Variants in ASCC3 observed in about 807,000 individuals in gnomAD.
The protein encoded by ASCC3 is ASC-1 complex subunit P200.
In ASCC3, 158 loss-of-function variants were observed where a neutral mutation model predicts 256.3. That is an observed-to-expected ratio of 0.62 (90% confidence interval 0.54 to 0.70). ASCC3 has a LOEUF of 0.70. ASCC3 is among the 30% of genes least tolerant of loss of function. The pLI is 0.00. For missense variants in ASCC3, 2,259 were observed against 2,626.0 expected, an observed-to-expected ratio of 0.86 and a Z score of 3.05; for synonymous variants, 948 against 883.4, an observed-to-expected ratio of 1.07 and a Z score of -1.30.
intron 36 of ASCC3, among the ~76,000 whole-genome samples, chr6:100,576,194 A>T (rs1464117850): frequency 1.3e-5 from 2 of 152,046 alleles, no homozygotes; most frequent in African/African-American, 4.8e-5. Context: ...GAAGCTTACT[A>T]ATTCATGGTG....
At chr6:100,712,004 A>T (rs1778874370) in intron 13 of ASCC3, among the ~76,000 whole-genome samples, 1 of 152,230 alleles carries the variant, frequency 6.6e-6, no homozygotes, top group South Asian at 2.1e-4. Context: ...ATCTTTGACT[A>T]AGGAACAAGG....
chr6:100,721,478 C>A (rs1161803346), intron 11 of ASCC3, among the ~76,000 whole-genome samples: 1 of 151,654 alleles, frequency 6.6e-6, no homozygotes, highest in Non-Finnish European at 1.5e-5. Context: ...TCATGTATAA[C>A]ATGTGGGCCA....
chr6:100,863,253 G>T (rs1217352059), intron 3 of ASCC3, among the ~76,000 whole-genome samples: 1 of 152,132 alleles, frequency 6.6e-6, no homozygotes, highest in African/African-American at 2.4e-5. Flanking sequence ...CCTTAGGAAA[G>T]TAACCTGAGT....
chr6:100,769,027 A>C (rs1468727873), intron 8 of ASCC3, among the ~76,000 whole-genome samples: 2 of 152,156 alleles, frequency 1.3e-5, no homozygotes, highest in African/African-American at 4.8e-5. Context: ...AGTATTCTTA[A>C]CTGAAGGGAA....
intron 20 of ASCC3, among the ~76,000 whole-genome samples, chr6:100,648,035 T>C (rs1263039598): frequency 6.6e-6 from 1 of 152,094 alleles, no homozygotes; most frequent in Non-Finnish European, 1.5e-5. Context: ...TTAATTGATA[T>C]TAATATTATG....
At chr6:100,694,801 A>G (rs975857407) in intron 13 of ASCC3, among the ~76,000 whole-genome samples, 8 of 152,314 alleles carry the variant, frequency 5.3e-5, no homozygotes, top group African/African-American at 1.7e-4. Context: ...TAAATAGGGG[A>G]AAGGAAGCTA....
chr6:100,553,871 A>G (rs1192463190), intron 36 of ASCC3, among the ~76,000 whole-genome samples: 2 of 152,252 alleles, frequency 1.3e-5, no homozygotes, highest in East Asian at 3.9e-4. Flanking sequence ...TATTTAGCCT[A>G]CTAAATTTTG....
chr6:100,733,403 G>T (rs967981676), intron 10 of ASCC3, among the ~76,000 whole-genome samples: 10 of 152,040 alleles, frequency 6.6e-5, no homozygotes, highest in African/African-American at 2.2e-4. Context: ...TCCTTTGGGG[G>T]TGAGTGGATT....
At chr6:100,711,176 T>A (rs1778838409) in intron 13 of ASCC3, among the ~76,000 whole-genome samples, 1 of 152,174 alleles carries the variant, frequency 6.6e-6, no homozygotes, top group Non-Finnish European at 1.5e-5. Context: ...TCATTAAGCA[T>A]TAACTATGAC....
At chr6:100,847,958 C>T (rs1271475885) in intron 4 of ASCC3, 190 bp downstream of exon 4, 4 of 525,978 alleles carry the variant, frequency 7.6e-6, no homozygotes, top group Non-Finnish European at 1.3e-5. Context: ...ACTCATTACA[C>T]TTTCAGACCT....
chr6:100,529,722 AAC>A (rs1287039692), intron 37 of ASCC3, among the ~76,000 whole-genome samples: 1 of 152,222 alleles, frequency 6.6e-6, no homozygotes, highest in Middle Eastern at 3.2e-3. Context: ...GGACAAAGGA[AAC>A]ACAGTCAAAT....
chr6:100,763,372 G>A (rs372034625), intron 10 of ASCC3, among the ~76,000 whole-genome samples: 4 of 152,176 alleles, frequency 2.6e-5, no homozygotes, highest in East Asian at 1.9e-4. Flanking sequence ...AATTACTGAC[G>A]AAGGATACAG....
chr6:100,670,840 T>C (rs950317914), intron 14 of ASCC3, among the ~76,000 whole-genome samples: 1 of 152,020 alleles, frequency 6.6e-6, no homozygotes, highest in African/African-American at 2.4e-5. Context: ...CTAATGTATA[T>C]CATTGCAAGA....
chr6:100,579,741 T>C (rs567084924), intron 36 of ASCC3, among the ~76,000 whole-genome samples: 3 of 152,262 alleles, frequency 2.0e-5, no homozygotes, highest in South Asian at 2.1e-4. Flanking sequence ...CCTTGTAGTA[T>C]AGTTTGAAGT....
intron 4 of ASCC3, among the ~76,000 whole-genome samples, chr6:100,827,184 C>A (rs1408364525): frequency 6.6e-6 from 1 of 152,214 alleles, no homozygotes; most frequent in African/African-American, 2.4e-5. Context: ...CCACAGTTTA[C>A]ACTGGGGTTC....
At chr6:100,605,805 T>C (rs1772855055) in intron 32 of ASCC3, 105 bp from the exon 33 acceptor site, 6 of 1,280,806 alleles carry the variant, frequency 4.7e-6, no homozygotes, top group Non-Finnish European at 6.7e-6. Context: ...ACAAAAGAAA[T>C]AGAATATTGT....
At chr6:100,613,400 T>C (rs1299377143) in intron 30 of ASCC3, among the ~76,000 whole-genome samples, 1 of 152,144 alleles carries the variant, frequency 6.6e-6, no homozygotes, top group Non-Finnish European at 1.5e-5. Flanking sequence ...CATGCAATAT[T>C]TGGCTTTCTG....
intron 10 of ASCC3, among the ~76,000 whole-genome samples, chr6:100,764,831 G>A (rs964376744): frequency 6.6e-6 from 1 of 152,070 alleles, no homozygotes; most frequent in African/African-American, 2.4e-5. Context: ...TTGTGTTTGG[G>A]GGGTCGGGGA....
At chr6:100,636,333 TA>T (rs1774841028) in intron 25 of ASCC3, among the ~76,000 whole-genome samples, 1 of 152,168 alleles carries the variant, frequency 6.6e-6, no homozygotes, top group African/African-American at 2.4e-5. Context: ...GTTATCATTG[TA>T]ATTGTTTTGT....
Sources: gnomAD v4.1 joint callset for allele counts (sites outside exome capture counted in the v4.1 genomes callset) on GRCh38, gnomAD v4.1.1 for gene constraint, MANE v1.5 for transcripts, NCBI Gene and HGNC (gene_info 2026-07-23, HGNC 2026-07-21) for gene names.